Variants in FALEC observed in about 807,000 individuals in gnomAD.
FALEC encodes the protein focally amplified lncRNA regulator of ECM1.
At chr1:150,528,276 A>T in the FALEC span, among the ~76,000 whole-genome samples, 42 of 152,326 alleles carry the variant, frequency 2.8e-4, no homozygotes, top group African/African-American at 9.4e-4. Context: ...CTGAGAGAGA[A>T]GTGAAGAAAA....
the FALEC span, among the ~76,000 whole-genome samples, chr1:150,527,518 C>G: frequency 6.6e-6 from 1 of 152,132 alleles, no homozygotes; most frequent in African/African-American, 2.4e-5. Context: ...CTCAGCCTCC[C>G]AAAGTGATGG....
intron 1 of FALEC, among the ~76,000 whole-genome samples, chr1:150,517,291 C>T (rs1251064706): frequency 8.6e-5 from 10 of 116,002 alleles, no homozygotes; most frequent in East Asian, 6.5e-4. Flanking sequence ...AGCCAGACTC[C>T]GTCTCAAAAA....
chr1:150,529,015 G>GAAAAAAAAAAAAAAAAAAA, the FALEC span, among the ~76,000 whole-genome samples: 1 of 5,958 alleles, frequency 1.7e-4, no homozygotes, highest in African/African-American at 6.7e-4. Context: ...TAAATAAATA[G>GAAAAAAAAAAAAAAAAAAA]CAAAAAAAAA....
At chr1:150,530,495 A>G in the FALEC span, among the ~76,000 whole-genome samples, 2 of 152,238 alleles carry the variant, frequency 1.3e-5, no homozygotes, top group South Asian at 4.1e-4. Flanking sequence ...TAACTGCCTC[A>G]TGGTTTGCAG....
chr1:150,524,221 C>G, the FALEC span, among the ~76,000 whole-genome samples: 1 of 152,134 alleles, frequency 6.6e-6, no homozygotes, highest in African/African-American at 2.4e-5. Flanking sequence ...GCGATTAGAG[C>G]TCACTGCAGC....
exon 1 of FALEC, chr1:150,515,865 G>A (rs1670561376): frequency 6.6e-6 from 1 of 152,328 alleles, no homozygotes; most frequent in South Asian, 2.1e-4. Context: ...CCTGGCCTGG[G>A]TCGCCCCAGC....
the FALEC span, among the ~76,000 whole-genome samples, chr1:150,535,146 C>T: frequency 3.9e-5 from 6 of 152,196 alleles, no homozygotes; most frequent in Non-Finnish European, 5.9e-5. Context: ...TGCATAGCTT[C>T]CTCCTGAGGC....
At chr1:150,516,363 G>C (rs753744109) in intron 1 of FALEC, among the ~76,000 whole-genome samples, 1 of 152,280 alleles carries the variant, frequency 6.6e-6, no homozygotes, top group Non-Finnish European at 1.5e-5. Flanking sequence ...AGTCAGAGGA[G>C]AGGAGGACTG....
At chr1:150,530,974 G>C in the FALEC span, among the ~76,000 whole-genome samples, 1 of 152,124 alleles carries the variant, frequency 6.6e-6, no homozygotes, top group Non-Finnish European at 1.5e-5. Context: ...GCAGCCTCTG[G>C]GGACAGGCCT....
chr1:150,520,958 C>T (rs377653000), downstream of FALEC, among the ~76,000 whole-genome samples: 12 of 151,864 alleles, frequency 7.9e-5, no homozygotes, highest in African/African-American at 2.4e-4. Context: ...CCTGCCAATA[C>T]GCCTGGCTAA....
chr1:150,534,654 C>T, the FALEC span, among the ~76,000 whole-genome samples: 1,260 of 151,994 alleles, frequency 8.3e-3, 19 homozygotes, highest in African/African-American at 0.024. Context: ...CCATCCTGGC[C>T]AACATGGTGA....
chr1:150,532,573 T>C, the FALEC span, among the ~76,000 whole-genome samples: 2 of 151,686 alleles, frequency 1.3e-5, no homozygotes, highest in Admixed American at 1.3e-4. Context: ...GGGCCAGGGG[T>C]TGCCAGCACC....
At chr1:150,527,280 A>G in the FALEC span, among the ~76,000 whole-genome samples, 2 of 148,146 alleles carry the variant, frequency 1.4e-5, no homozygotes, top group African/African-American at 5.0e-5. Context: ...TATTTTTGAG[A>G]TGGAGTCTTG....
At chr1:150,522,974 TA>T (rs1560270871), downstream of FALEC, among the ~76,000 whole-genome samples, 283 of 52,310 alleles carry the variant, frequency 5.4e-3, 22 homozygotes, top group South Asian at 8.1e-3. Context: ...TATATATATA[TA>T]TATATATATT....
the FALEC span, among the ~76,000 whole-genome samples, chr1:150,536,613 A>G: frequency 2.6e-5 from 4 of 152,118 alleles, no homozygotes; most frequent in African/African-American, 7.2e-5. Flanking sequence ...CACAGGAAGA[A>G]CCTTGTCTCT....
At chr1:150,530,304 C>T in the FALEC span, among the ~76,000 whole-genome samples, 6 of 152,250 alleles carry the variant, frequency 3.9e-5, no homozygotes, top group Non-Finnish European at 4.4e-5. Flanking sequence ...ACTAATAGGA[C>T]GCACATTTAA....
downstream of FALEC, among the ~76,000 whole-genome samples, chr1:150,522,949 GTATA>G (rs1156284115): frequency 1.9e-3 from 42 of 21,644 alleles, 1 homozygote; most frequent in African/African-American, 3.6e-3. Context: ...GTGTGTGTGT[GTATA>G]TATATATATA....
chr1:150,529,200 A>T, the FALEC span, among the ~76,000 whole-genome samples: 1 of 152,080 alleles, frequency 6.6e-6, no homozygotes, highest in African/African-American at 2.4e-5. Flanking sequence ...ACGGGGTGTG[A>T]GTGTTTATCT....
chr1:150,527,003 T>A, the FALEC span, among the ~76,000 whole-genome samples: 1 of 150,142 alleles, frequency 6.7e-6, no homozygotes, highest in Non-Finnish European at 1.5e-5. Context: ...TGGTGCGATC[T>A]CGGCTTACTG....
Sources: allele counts gnomAD v4.1 joint callset (sites outside exome capture counted in the v4.1 genomes callset), GRCh38; gene constraint gnomAD v4.1.1; transcripts MANE v1.5; gene names NCBI Gene and HGNC (gene_info 2026-07-23, HGNC 2026-07-21).